The following LIN7A variants were observed in gnomAD, a reference collection of about 807,000 sequenced individuals.
The protein encoded by LIN7A is protein lin-7 homolog A.
In LIN7A, 25 loss-of-function variants were observed where a neutral mutation model predicts 29.8. The ratio of observed to expected loss-of-function variants is 0.84; its 90% CI spans 0.61 to 1.17. LIN7A has a LOEUF of 1.17. LIN7A is among the 50% of genes most tolerant of loss of function. The probability of loss-of-function intolerance (pLI) is 0.00; values close to 1 mark genes in which losing one functional copy is unlikely to be tolerated. For missense variants in LIN7A, 239 were observed against 287.0 expected (o/e 0.83, Z 1.21); for synonymous variants, 118 against 107.5 (o/e 1.10, Z -0.60).
intron 1 of LIN7A, among the ~76,000 whole-genome samples, chr12:80,920,843 A>C (rs1432108847): frequency 6.6e-6 from 1 of 152,184 alleles, no homozygotes; most frequent in East Asian, 1.9e-4. Context: ...AAAAAACAGG[A>C]ATACCTTAAT....
intron 1 of LIN7A, among the ~76,000 whole-genome samples, chr12:80,918,867 T>C (rs1877156171): frequency 6.6e-6 from 1 of 152,232 alleles, no homozygotes; most frequent in Non-Finnish European, 1.5e-5. Context: ...ATGATAATGA[T>C]CTCATAAGAT....
At chr12:80,913,121 A>C (rs957378370) in intron 1 of LIN7A, among the ~76,000 whole-genome samples, 1 of 152,220 alleles carries the variant, frequency 6.6e-6, no homozygotes, top group African/African-American at 2.4e-5. Context: ...CTATGAGCTT[A>C]CCGTCTGTTC....
intron 2 of LIN7A, among the ~76,000 whole-genome samples, chr12:80,849,035 T>C (rs906037440): frequency 1.3e-5 from 2 of 152,170 alleles, no homozygotes; most frequent in African/African-American, 4.8e-5. Context: ...ATACATTTGG[T>C]TGAATCTCCA....
chr12:80,926,745 C>T (rs1877601684), intron 1 of LIN7A, among the ~76,000 whole-genome samples: 1 of 151,880 alleles, frequency 6.6e-6, no homozygotes, highest in Non-Finnish European at 1.5e-5. Context: ...GTGGCTAACA[C>T]GGTGAAACCC....
intron 4 of LIN7A, chr12:80,842,020 T>C: frequency 1.6e-6 from 2 of 1,281,872 alleles, no homozygotes; most frequent in Non-Finnish European, 2.0e-6. Context: ...GTCTCATTTG[T>C]AACATTCCCA....
intron 5 of LIN7A, among the ~76,000 whole-genome samples, chr12:80,801,387 G>A (rs1870714433): frequency 6.6e-6 from 1 of 152,134 alleles, no homozygotes; most frequent in Admixed American, 6.6e-5. Context: ...ACCGCTACTC[G>A]TTTTGAAGAT....
intron 2 of LIN7A, among the ~76,000 whole-genome samples, chr12:80,856,850 C>A (rs1449522464): frequency 6.6e-6 from 1 of 152,058 alleles, no homozygotes; most frequent in Non-Finnish European, 1.5e-5. Context: ...CAAAACAAAA[C>A]AAAACAAAAA....
In LIN7A at chr12:80,799,161, G is replaced by C. The variant is rs1592841032; in HGVS notation, c.*1-1435C>G. Among the ~76,000 whole-genome samples, 3 of 152,352 alleles carry C rather than the reference G, an allele frequency of 2.0e-5. No individual in the cohort carries two copies. The South Asian group carries it at 6.2e-4, about 32-fold the overall frequency. On this transcript the variant is annotated intron_variant, in intron 5 of 5. Coordinates refer to ENST00000552864, the MANE Select transcript of LIN7A (RefSeq NM_004664.4). The stretch of plus-strand genomic sequence containing the variant: ...ATCCAGGGCAGGAGTCAGCCTGAGA[G>C]AGAGCACTGGGCATTCAACATGTGG...
intron 4 of LIN7A, among the ~76,000 whole-genome samples, chr12:80,821,721 A>G (rs1227363090): frequency 3.3e-5 from 5 of 152,158 alleles, no homozygotes; most frequent in Admixed American, 6.5e-5. Context: ...CCCCTTCCAA[A>G]TTGGAGGGGC....
chr12:80,912,526 C>A (rs753974447), intron 1 of LIN7A, among the ~76,000 whole-genome samples: 1 of 151,642 alleles, frequency 6.6e-6, no homozygotes, highest in Non-Finnish European at 1.5e-5. Flanking sequence ...ACCAGCCTGG[C>A]CAACATGGTG....
At chr12:80,819,257 C>T (rs927708258) in intron 4 of LIN7A, among the ~76,000 whole-genome samples, 2 of 152,136 alleles carry the variant, frequency 1.3e-5, no homozygotes, top group African/African-American at 4.8e-5. Flanking sequence ...ATACATTATT[C>T]AGAAAAGAAT....
chr12:80,878,614 G>C (rs1269270991), intron 2 of LIN7A, among the ~76,000 whole-genome samples: 1 of 152,220 alleles, frequency 6.6e-6, no homozygotes, highest in Non-Finnish European at 1.5e-5. Context: ...AGAGATCTGA[G>C]CGGGTTGCTG....
rs535346234 is a variant in LIN7A at position 80,888,026 on chromosome 12, A to C, written c.201+1225T>G. On this transcript the variant is annotated intron_variant, in intron 2 of 5. Transcript: ENST00000552864. ...TCAAGAGGACGCTCATGCAGTTTTG[A>C]GATATTTTATACCTTTCCCACTGAG... 7.3e-4 allele frequency among the ~76,000 whole-genome samples: 111 copies of C among 152,236 alleles called. 1 individual carries two copies. The highest frequency in any genetic ancestry group is 2.6e-3 in the African/African-American group (106 of 41,552).
intron 2 of LIN7A, among the ~76,000 whole-genome samples, chr12:80,862,029 A>G (rs1317512530): frequency 1.3e-5 from 2 of 152,230 alleles, no homozygotes; most frequent in Admixed American, 1.3e-4. Context: ...AAGACTTTTA[A>G]GATAATAGTT....
chr12:80,800,489 CAAAAAAAAAAAAAAAA>C (rs55772850), intron 5 of LIN7A, among the ~76,000 whole-genome samples: 13 of 38,066 alleles, frequency 3.4e-4, no homozygotes, highest in African/African-American at 1.2e-3. Flanking sequence ...AACTCCGTCT[CAAAAAAAAAAAAAAAA>C]AAAAAAAAAA....
At chr12:80,830,488 T>C (rs926925790) in intron 4 of LIN7A, among the ~76,000 whole-genome samples, 1 of 152,162 alleles carries the variant, frequency 6.6e-6, no homozygotes, top group African/African-American at 2.4e-5. Context: ...GAAGGAAGTA[T>C]TTTCCATTAC....
intron 4 of LIN7A, among the ~76,000 whole-genome samples, chr12:80,837,839 C>CAT (rs1872648835): frequency 2.7e-5 from 4 of 150,382 alleles, no homozygotes; most frequent in Non-Finnish European, 4.4e-5. Flanking sequence ...TCATCATCAT[C>CAT]CTCATCATCA....
At chr12:80,899,619 T>G (rs1688308156) in intron 1 of LIN7A, among the ~76,000 whole-genome samples, 1 of 152,020 alleles carries the variant, frequency 6.6e-6, no homozygotes, top group African/African-American at 2.4e-5. Flanking sequence ...GATCTTGGGC[T>G]TTTTCTGGTT....
At chr12:80,819,749 T>C (rs990949123) in intron 4 of LIN7A, among the ~76,000 whole-genome samples, 1 of 152,068 alleles carries the variant, frequency 6.6e-6, no homozygotes, top group Non-Finnish European at 1.5e-5. Flanking sequence ...TATAGGATTA[T>C]TATGAGCATT....
Sources: allele counts gnomAD v4.1 joint callset (sites outside exome capture counted in the v4.1 genomes callset), GRCh38; gene constraint gnomAD v4.1.1; transcripts MANE v1.5; gene names NCBI Gene and HGNC (gene_info 2026-07-23, HGNC 2026-07-21).